The following CNOT6L variants were observed in gnomAD, a reference collection of about 807,000 sequenced individuals.
CNOT6L encodes the protein CCR4-NOT transcription complex subunit 6 like, also known as CCR4-NOT transcription complex subunit 6-like.
In CNOT6L, 7 loss-of-function variants were observed where a neutral mutation model predicts 64.0. The observed-to-expected ratio is 0.11, with a 90% CI of 0.06 to 0.21. CNOT6L has a LOEUF of 0.21. Among genes scored for constraint, CNOT6L ranks in the 10% least tolerant of loss-of-function variants. The pLI, the probability that CNOT6L is intolerant of heterozygous loss-of-function variation, is 1.00. For synonymous variants in CNOT6L, 193 were observed against 243.4 expected, an observed-to-expected ratio of 0.79 and a Z score of 1.93; for missense variants, 245 against 669.0, an observed-to-expected ratio of 0.37 and a Z score of 6.99.
chr4:77,805,014 G>T (rs1227738662), intron 1 of CNOT6L, among the ~76,000 whole-genome samples: 1 of 152,020 alleles, frequency 6.6e-6, no homozygotes, highest in African/African-American at 2.4e-5. Context: ...ACCAAACACA[G>T]ATGGAAAATA....
At chr4:77,787,950 T>C (rs2173869) in intron 1 of CNOT6L, among the ~76,000 whole-genome samples, 119,759 of 152,160 alleles carry the variant, frequency 0.79, 47,992 homozygotes, top group Non-Finnish European at 0.86. Flanking sequence ...CTCAGATATA[T>C]GCCTTCAATA....
intron 6 of CNOT6L, among the ~76,000 whole-genome samples, chr4:77,745,620 C>A (rs1002200490): frequency 2.0e-5 from 3 of 152,172 alleles, no homozygotes; most frequent in Non-Finnish European, 4.4e-5. Flanking sequence ...ATGTTAAAGT[C>A]TGAAAAGCCC....
At chr4:77,725,798 T>TG (rs1261395193) in intron 11 of CNOT6L, among the ~76,000 whole-genome samples, 2 of 151,498 alleles carry the variant, frequency 1.3e-5, no homozygotes, top group Non-Finnish European at 2.9e-5. Context: ...TGCTTTTCTG[T>TG]GGGGGGCGGG....
At chr4:77,794,459 T>C (rs1040962904) in intron 1 of CNOT6L, among the ~76,000 whole-genome samples, 17 of 152,128 alleles carry the variant, frequency 1.1e-4, no homozygotes, top group African/African-American at 4.1e-4. Flanking sequence ...ACCCCAGTAA[T>C]GCAAGCAAGG....
At chr4:77,768,189 G>T (rs1481366096) in intron 4 of CNOT6L, among the ~76,000 whole-genome samples, 1 of 151,826 alleles carries the variant, frequency 6.6e-6, no homozygotes, top group African/African-American at 2.4e-5. Context: ...ATCTGGCAGG[G>T]CGTGGTGGCT....
At chr4:77,739,091 G>A (rs1297900408) in intron 8 of CNOT6L, among the ~76,000 whole-genome samples, 1 of 152,124 alleles carries the variant, frequency 6.6e-6, no homozygotes, top group East Asian at 1.9e-4. Context: ...CTGAATATTG[G>A]TAACTTGTGT....
intron 4 of CNOT6L, among the ~76,000 whole-genome samples, chr4:77,760,929 G>T (rs1406529958): frequency 1.6e-5 from 2 of 128,764 alleles, no homozygotes; most frequent in Non-Finnish European, 3.1e-5. Flanking sequence ...TGTTAGCCAG[G>T]ATGGTCTTGA....
In CNOT6L at chr4:77,730,776, G is replaced by A. The variant is rs563674119; in HGVS notation, c.1024+611C>T. ...ACAGGGGAAAAAAAGCCCTGATGTA[G>A]TCTCACTCCTTTCTTGCTTAAAATG... On this transcript the variant is annotated intron_variant, in intron 9 of 11. Transcript: ENST00000504123. Among the ~76,000 whole-genome samples the A allele has an allele frequency of 5.6e-4, 85 of 152,198 alleles. 1 individual carries two copies. In the South Asian group the frequency reaches 0.017, roughly 31 times the overall value.
At chr4:77,757,492 G>A (rs1306023664) in intron 4 of CNOT6L, among the ~76,000 whole-genome samples, 7 of 152,274 alleles carry the variant, frequency 4.6e-5, no homozygotes, top group African/African-American at 1.4e-4. Flanking sequence ...TGAGTACTAA[G>A]AGTACAGATT....
At chr4:77,782,888 G>A (rs932822766) in intron 1 of CNOT6L, among the ~76,000 whole-genome samples, 4 of 152,002 alleles carry the variant, frequency 2.6e-5, no homozygotes, top group African/African-American at 7.2e-5. Flanking sequence ...ACTGCCCCTA[G>A]CAAACTATAC....
rs553788232 is a variant in CNOT6L, at chr4:77,744,631, A to G, written c.717+87T>C. The stretch of plus-strand genomic sequence containing the variant: ...AATTCTTTTTGAGCTTTGGCTCTAA[A>G]CACAGGATCTCTCCCAGTGGTCAGA... On this transcript the variant is annotated intron_variant, in intron 7 of 11. Coordinates refer to ENST00000504123, the MANE Select transcript of CNOT6L (RefSeq NM_144571.3). 77 of 1,177,324 alleles carry G rather than the reference A, an allele frequency of 6.5e-5. No homozygotes were observed. In the African/African-American group the frequency reaches 1.1e-3, roughly 17 times the overall value. The allele number at this position is 1,177,324 out of a possible 1,614,324, so 72.9% of individuals were successfully genotyped here.
chr4:77,720,321 A>C lies in CNOT6L; in HGVS notation c.*110T>G. On this transcript the variant is annotated 3_prime_UTR_variant, in exon 12 of 12. Transcript: ENST00000504123. The stretch of plus-strand genomic sequence containing the variant: ...TCTTACAGCAAACACATAATGAAAG[A>C]AACCTGAAGAAGCAGCTTAAGGATG... 1 of 1,249,882 alleles carries C rather than the reference A, an allele frequency of 8.0e-7. No homozygotes were observed. Among genetic ancestry groups the C allele is most frequent in the Non-Finnish European group, 1.1e-6 (1 of 884,396 alleles). 77.4% of individuals were successfully genotyped at this position (1,249,882 alleles called of 1,614,324 possible). A position where few individuals can be genotyped will look rare whatever the true frequency, so the allele number is the denominator to read the frequency against.
At chr4:77,802,847 A>T (rs1731748828) in intron 1 of CNOT6L, among the ~76,000 whole-genome samples, 1 of 152,218 alleles carries the variant, frequency 6.6e-6, no homozygotes, top group Non-Finnish European at 1.5e-5. Context: ...CAACTACAAA[A>T]ACCAAGCTTC....
intron 6 of CNOT6L, among the ~76,000 whole-genome samples, chr4:77,745,155 T>A (rs1667398743): frequency 6.6e-6 from 1 of 152,218 alleles, no homozygotes; most frequent in African/African-American, 2.4e-5. Context: ...AATCTGCTAA[T>A]TTTTTGCTTA....
At chr4:77,809,709 T>C (rs1421077549) in intron 1 of CNOT6L, among the ~76,000 whole-genome samples, 2 of 152,180 alleles carry the variant, frequency 1.3e-5, no homozygotes, top group Non-Finnish European at 1.5e-5. Flanking sequence ...TTTAGTTCTA[T>C]TCTTTTAGCA....
chr4:77,778,451 G>T (rs1728399881), intron 1 of CNOT6L, among the ~76,000 whole-genome samples: 1 of 151,868 alleles, frequency 6.6e-6, no homozygotes, highest in Non-Finnish European at 1.5e-5. Flanking sequence ...AGGCTGGAGG[G>T]CAGTGGCGTG....
chr4:77,816,896 TA>T (rs1331114116), intron 1 of CNOT6L, among the ~76,000 whole-genome samples: 4 of 152,148 alleles, frequency 2.6e-5, no homozygotes, highest in African/African-American at 7.2e-5. Context: ...ACACAGCAGT[TA>T]AAATTTAATG....
At chr4:77,783,090 CA>C (rs1345858344) in intron 1 of CNOT6L, among the ~76,000 whole-genome samples, 2 of 121,606 alleles carry the variant, frequency 1.6e-5, no homozygotes, top group African/African-American at 3.1e-5. Flanking sequence ...ATAATGCAAA[CA>C]TTTTTTTAAA....
intron 5 of CNOT6L, among the ~76,000 whole-genome samples, chr4:77,755,165 A>G (rs1406109796): frequency 6.7e-6 from 1 of 149,960 alleles, no homozygotes; most frequent in African/African-American, 2.4e-5. Flanking sequence ...CTTACAAATG[A>G]CACACACACA....
Sources: allele counts gnomAD v4.1 joint callset (sites outside exome capture counted in the v4.1 genomes callset), GRCh38; gene constraint gnomAD v4.1.1; transcripts MANE v1.5; gene names NCBI Gene and HGNC (gene_info 2026-07-23, HGNC 2026-07-21).